Variants in ITIH4 observed in about 807,000 individuals in gnomAD.
ITIH4 encodes the protein inter-alpha-trypsin inhibitor heavy chain 4.
Under a neutral mutation model 111.8 loss-of-function variants are expected in ITIH4, and 79 were observed. The observed-to-expected ratio is 0.71, with a 90% CI of 0.59 to 0.85. The LOEUF (loss-of-function observed/expected upper bound fraction) is 0.85, where lower values mean the gene tolerates loss of function less well. ITIH4 is among the 40% of genes least tolerant of loss of function. The pLI, the probability that ITIH4 is intolerant of heterozygous loss-of-function variation, is 0.00. For missense variants in ITIH4, 1,065 were observed against 1,195.8 expected (o/e 0.89, Z 1.61); for synonymous variants, 472 against 468.3 (o/e 1.01, Z -0.10).
rs375861170 is a variant in ITIH4 at position 52,826,855 on chromosome 3, C to T, written c.455G>A (p.Arg152Gln). ...CAGCAGCTCGTACACCCCCAAACGC[C>T]GCTTGAGCAGCTCCTCATAGACCAG... is the stretch of plus-strand genomic sequence containing the variant. The part of the protein sequence containing the change: ...FELVYEELLK[R>Q]RLGVYELLLK... The change falls in exon 4 of 24, where the codon CGG becomes CAG. Residue 152 changes from arginine to glutamine, a missense_variant. Transcript: ENST00000266041. The T allele has an allele frequency of 5.6e-6, 9 of 1,613,976 alleles. No homozygotes were observed. Among genetic ancestry groups the T allele is most frequent in the African/African-American group, 1.3e-5 (1 of 75,050 alleles).
At chr3:52,813,945 G>A (rs1331448125) in intron 23 of ITIH4, 30 bp downstream of exon 23, 2 of 1,578,120 alleles carry the variant, frequency 1.3e-6, no homozygotes, top group Non-Finnish European at 1.7e-6. Flanking sequence ...CACCCCAGCT[G>A]GGCTCAGCGG....
At position 52,824,497 on chromosome 3, in the gene ITIH4, G is replaced by A; in HGVS notation, c.945C>T (p.Phe315=). ...SPRDQFNLIV[F]STEATQWRPS... The stretch of plus-strand genomic sequence containing the variant: ...GCCTCCACTGAGTTGCTTCTGTACT[G>A]AAGACGATGAGGTTGAACTGGTCTC... The change falls in exon 8 of 24, where the codon TTC becomes TTT. Residue 315 remains phenylalanine, a synonymous_variant. Coordinates refer to ENST00000266041, the MANE Select transcript of ITIH4 (RefSeq NM_002218.5). The surrounding 1 kb of genome is among the most constrained non-coding windows in gnomAD (Gnocchi z 4.3). The A allele has an allele frequency of 2.5e-6, 4 of 1,614,042 alleles. No individual in the cohort carries two copies. The highest frequency in any genetic ancestry group is 4.5e-5 in the East Asian group (2 of 44,890).
In ITIH4 at chr3:52,824,307, T is replaced by A; in HGVS notation, c.1054A>T (p.Ile352Phe). Residue 352 changes from isoleucine (I) to phenylalanine (F), a missense_variant, in exon 9 of 24, where the codon ATC becomes TTC. Coordinates refer to ENST00000266041, the MANE Select transcript of ITIH4 (RefSeq NM_002218.5). The surrounding 1 kb of genome is among the most constrained non-coding windows in gnomAD (Gnocchi z 4.3). Reference protein sequence around the residue: ...AGIQALGGTNINDAMLMAVQL... With the variant: ...AGIQALGGTNFNDAMLMAVQL... Reference sequence around the variant, plus strand: ...ACAGCCATCAGCATTGCATCATTGATGTTGGTCCCTGAGGAACACGCACTC... The same window carrying A: ...ACAGCCATCAGCATTGCATCATTGAAGTTGGTCCCTGAGGAACACGCACTC... The A allele has an allele frequency of 6.2e-7, 1 of 1,613,146 alleles. No individual in the cohort carries two copies. The highest frequency in any genetic ancestry group is 1.3e-5 in the African/African-American group (1 of 75,042).
At chr3:52,817,192 T>C (rs1700294028) in intron 20 of ITIH4, 134 bp from the exon 21 acceptor site, 4 of 665,580 alleles carry the variant, frequency 6.0e-6, no homozygotes, top group Non-Finnish European at 7.6e-6. Flanking sequence ...GGGGTGCCCC[T>C]TTCTCAGCAC....
chr3:52,816,896 G>A lies in ITIH4; in HGVS notation c.2459C>T (p.Ser820Leu). ...GCCTGGGCCTTACCCGGGCATCACT[G>A]AGAATAGCGTCTCCTTCCACTTGTA... ...SAYKWKETLF[S>L]VMPGLKMTMD... The change falls in exon 21 of 24, where the codon TCA (serine) becomes TTA (leucine). Residue 820 changes from serine to leucine, a missense_variant. Physicochemically the swap from Ser to Leu is moderately radical, Grantham distance 145. Transcript: ENST00000266041. 1.2e-6 allele frequency: 2 copies of A among 1,613,718 alleles called. No homozygotes were observed. The highest frequency in any genetic ancestry group is 1.7e-6 in the Non-Finnish European group (2 of 1,179,806).
rs563644295 is a variant in ITIH4 at position 52,830,025 on chromosome 3, G to A, written c.90+528C>T. On this transcript the variant is annotated intron_variant, in intron 1 of 23. Coordinates refer to ENST00000266041, the MANE Select transcript of ITIH4 (RefSeq NM_002218.5). The stretch of plus-strand genomic sequence containing the variant: ...GCACCAACTCTGCTCGGCTGCATGC[G>A]GCTGCCTGAATGCAGTTTGGCACAG... 333 of 290,820 alleles carry A rather than the reference G, an allele frequency of 1.1e-3. 3 individuals are homozygous for A. The highest frequency in any genetic ancestry group is 4.9e-3 in the South Asian group (144 of 29,510). The allele number at this position is 290,820 out of a possible 1,614,324, so 18.0% of individuals were successfully genotyped here. A position where few individuals can be genotyped will look rare whatever the true frequency, so the allele number is the denominator to read the frequency against.
Position 52,820,930 on chromosome 3 carries a change from G to A in ITIH4, c.1679+61C>T, listed in dbSNP as rs1478152739. ...CCCCCTCTCTCCATGCTTAGGCGCT[G>A]TACCGTGCCACCTGTGCCTGCCCCC... On this transcript the variant is annotated intron_variant, in intron 12 of 23. Coordinates refer to ENST00000266041, the MANE Select transcript of ITIH4 (RefSeq NM_002218.5). 1.1e-5 allele frequency: 17 copies of A among 1,590,336 alleles called. No homozygotes were observed. The South Asian group carries it at 1.4e-4, about 13-fold the overall frequency.
In ITIH4 at chr3:52,820,177, G is replaced by A. The variant is rs954095380; in HGVS notation, c.1861+114C>T. 3.5e-6 allele frequency: 5 copies of A among 1,444,768 alleles called. No individual in the cohort carries two copies. The African/African-American group carries it at 4.2e-5, about 12-fold the overall frequency. The allele number at this position is 1,444,768 out of a possible 1,614,324, so 89.5% of individuals were successfully genotyped here. A position where few individuals can be genotyped will look rare whatever the true frequency, so the allele number is the denominator to read the frequency against. ...TGCCTCCTGGCAGCAGGGATGGGCT[G>A]GAGAGGCCTGGGTGGACCTGGGCCC... On this transcript the variant is annotated intron_variant, in intron 14 of 23. Transcript: ENST00000266041.
chr3:52,820,032 T>C, intron 14 of ITIH4, 42 bp from the exon 15 acceptor site: 1 of 1,596,338 alleles, frequency 6.3e-7, no homozygotes, highest in East Asian at 2.2e-5. Flanking sequence ...TGCACCCACC[T>C]TCCTGTGGCC....
At chr3:52,827,262 C>T (rs1700498668) in intron 2 of ITIH4, 65 bp from the exon 3 acceptor site, 4 of 1,286,786 alleles carry the variant, frequency 3.1e-6, no homozygotes, top group Non-Finnish European at 4.5e-6. Flanking sequence ...CTCCTGCCTC[C>T]TCCAGAGAGC....
chr3:52,830,460 G>A, intron 1 of ITIH4, 93 bp downstream of exon 1: 1 of 1,224,148 alleles, frequency 8.2e-7, no homozygotes, highest in Non-Finnish European at 1.2e-6. Context: ...ACACGCACTT[G>A]TGCTGACACG....
intron 21 of ITIH4, among the ~76,000 whole-genome samples, chr3:52,815,246 CTT>C (rs59772931): frequency 2.6e-4 from 36 of 139,078 alleles, no homozygotes; most frequent in South Asian, 4.5e-4. Flanking sequence ...TTTCTTTTTT[CTT>C]TTTTTTTTTT....
chr3:52,814,724 C>T (rs960288523), intron 21 of ITIH4, among the ~76,000 whole-genome samples: 6 of 152,126 alleles, frequency 3.9e-5, no homozygotes, highest in African/African-American at 1.4e-4. Context: ...GTAGCTGGTA[C>T]TGCAGGTACA....
At chr3:52,815,357 C>T (rs972785584) in intron 21 of ITIH4, among the ~76,000 whole-genome samples, 3 of 151,676 alleles carry the variant, frequency 2.0e-5, no homozygotes, top group African/African-American at 4.8e-5. Context: ...GGTTCTCCTA[C>T]CTCAGCCTCC....
Position 52,826,906 on chromosome 3 carries a change from G to A in ITIH4, c.404C>T (p.Ala135Val). ...MEQFQVSVSV[A>V]PNAKITFELV... The stretch of plus-strand genomic sequence containing the variant: ...CTCAAAGGTGATCTTGGCATTGGGA[G>A]CCACACTGACCGACACCTGGAACTG... Residue 135 changes from alanine to valine, a missense_variant, in exon 4 of 24, where the codon GCT (alanine) becomes GTT (valine). By Grantham distance (64) the Ala-to-Val change is moderately conservative (BLOSUM62 0). Coordinates refer to ENST00000266041, the MANE Select transcript of ITIH4 (RefSeq NM_002218.5). 1.2e-6 allele frequency: 2 copies of A among 1,614,114 alleles called. No individual in the cohort carries two copies. The highest frequency in any genetic ancestry group is 1.1e-5 in the South Asian group (1 of 91,078).
In ITIH4 at chr3:52,813,994, T is replaced by C; in HGVS notation, c.2704A>G (p.Asn902Asp). The change falls in exon 23 of 24, where the codon AAT becomes GAT. Residue 902 changes from asparagine (N) to aspartate (D), a missense_variant. Physicochemically the swap from Asn to Asp is conservative, Grantham distance 23. Transcript: ENST00000266041. ...AGTCACCTGGTGGCAGAGTGGTCAT[T>C]GCCCTGAACCCTCAGCGTGCGTCTG... Reference protein sequence around the residue: ...DGRRTLRVQGNDHSATRERRL... With the variant: ...DGRRTLRVQGDDHSATRERRL... The C allele has an allele frequency of 6.2e-7, 1 of 1,613,098 alleles. No individual in the cohort carries two copies. The highest frequency in any genetic ancestry group is 1.8e-4 in the Middle Eastern group (1 of 5,606).
intron 14 of ITIH4, 138 bp from the exon 15 acceptor site, chr3:52,820,128 C>T (rs1057319918): frequency 1.6e-6 from 2 of 1,277,290 alleles, no homozygotes; most frequent in African/African-American, 1.5e-5. Context: ...ACTAAATGCA[C>T]CAGCATGCTG....
At chr3:52,817,959 G>A in intron 20 of ITIH4, 93 bp downstream of exon 20, 1 of 965,558 alleles carries the variant, frequency 1.0e-6, no homozygotes, top group East Asian at 2.4e-5. Context: ...GGGCCTGTGT[G>A]GGGCCAGCCT....
chr3:52,826,075 C>T, intron 5 of ITIH4, 61 bp from the exon 6 acceptor site: 1 of 1,600,368 alleles, frequency 6.2e-7, no homozygotes, highest in African/African-American at 1.3e-5. Flanking sequence ...ACAACACCCT[C>T]TACCCCTGTC....
Sources: gnomAD v4.1 joint callset for allele counts (sites outside exome capture counted in the v4.1 genomes callset) on GRCh38, gnomAD v4.1.1 for gene constraint, Gnocchi (gnomAD v3.1) non-coding constraint, MANE v1.5 for transcripts, NCBI Gene and HGNC (gene_info 2026-07-23, HGNC 2026-07-21) for gene names.